Variants in DNMT3B observed in about 807,000 individuals in gnomAD.
The protein encoded by DNMT3B is DNA (cytosine-5)-methyltransferase 3B.
Under a neutral mutation model 120.2 loss-of-function variants are expected in DNMT3B, and 37 were observed. That is an observed-to-expected ratio of 0.31 (90% CI 0.24 to 0.40). The LOEUF is 0.40. Among genes scored for constraint, DNMT3B ranks in the 10% least tolerant of loss-of-function variants. The probability of loss-of-function intolerance (pLI) is 1.00; values close to 1 mark genes in which losing one functional copy is unlikely to be tolerated. For synonymous variants in DNMT3B, 412 were observed against 442.8 expected (o/e 0.93, Z 0.87); for missense variants, 878 against 1,137.3 (o/e 0.77, Z 3.28).
At chr20:32,781,213 C>A in intron 2 of DNMT3B, 140 bp from the exon 3 acceptor site, 1 of 846,678 alleles carries the variant, frequency 1.2e-6, no homozygotes, top group Non-Finnish European at 2.0e-6. Context: ...TACTGACGGA[C>A]TGAGAGCAAA....
At chr20:32,782,734 A>C (rs1978775845) in intron 3 of DNMT3B, among the ~76,000 whole-genome samples, 1 of 113,932 alleles carries the variant, frequency 8.8e-6, no homozygotes, top group African/African-American at 3.5e-5. Context: ...GATATAGACA[A>C]AAACAGAGCA....
chr20:32,770,839 T>C (rs1444503049), intron 1 of DNMT3B, among the ~76,000 whole-genome samples: 1 of 151,426 alleles, frequency 6.6e-6, no homozygotes, highest in Non-Finnish European at 1.5e-5. Context: ...CTTGAACCCC[T>C]GACCTCGGGT....
At chr20:32,792,804 C>G (rs374948653) in intron 9 of DNMT3B, 34 bp downstream of exon 9, 1 of 1,613,278 alleles carries the variant, frequency 6.2e-7, no homozygotes, top group African/African-American at 1.3e-5. Context: ...CACCCGCTGC[C>G]TCTGCTGGTG....
At chr20:32,794,319 G>A (rs1040372035) in intron 10 of DNMT3B, among the ~76,000 whole-genome samples, 1 of 141,638 alleles carries the variant, frequency 7.1e-6, no homozygotes. Context: ...CTCCAGCCTG[G>A]GTGACACACT....
chr20:32,776,910 T>C (rs13433362), intron 1 of DNMT3B, among the ~76,000 whole-genome samples: 2,587 of 151,510 alleles, frequency 0.017, 73 homozygotes, highest in African/African-American at 0.06. Flanking sequence ...CGAGGCTAGA[T>C]TGTCTTGGCC....
intron 17 of DNMT3B, 56 bp downstream of exon 17, chr20:32,800,354 C>T (rs551286038): frequency 3.5e-4 from 556 of 1,611,374 alleles, no homozygotes; most frequent in Non-Finnish European, 4.4e-4. Flanking sequence ...TTCCCCAGTC[C>T]TCCACACCCT....
intron 1 of DNMT3B, among the ~76,000 whole-genome samples, chr20:32,766,713 G>A (rs944477770): frequency 2.6e-5 from 4 of 151,170 alleles, no homozygotes; most frequent in African/African-American, 4.9e-5. Context: ...TCAACTTCCC[G>A]AGTAGCTGAG....
At chr20:32,784,239 A>G (rs1206663598) in intron 3 of DNMT3B, among the ~76,000 whole-genome samples, 1 of 152,154 alleles carries the variant, frequency 6.6e-6, no homozygotes, top group Non-Finnish European at 1.5e-5. Flanking sequence ...GGGTTTCACC[A>G]TCTTGGCCAG....
rs371630760 is a variant in DNMT3B, at chr20:32,792,763, G to A, written c.1059G>A (p.Thr353=). ...TGIEGLKPNN[T]QPVVNKSKVR... ...TCGAGGGCCTCAAACCCAACAACAC[G>A]CAACCAGGTGGGAATGAGTCCCCAT... The change falls in exon 9 of 23, where the codon ACG becomes ACA. Residue 353 remains threonine, a synonymous_variant. Coordinates refer to ENST00000328111, the MANE Select transcript of DNMT3B (RefSeq NM_006892.4). 27 of 1,614,084 alleles carry A rather than the reference G, an allele frequency of 1.7e-5. No individual in the cohort carries two copies. The highest frequency in any genetic ancestry group is 1.1e-4 in the African/African-American group (8 of 75,068).
rs771875972 is a variant in DNMT3B, at chr20:32,792,631, T to C, written c.927T>C (p.Ala309=). 5.0e-6 allele frequency: 8 copies of C among 1,614,068 alleles called. No individual in the cohort carries two copies. The highest frequency in any genetic ancestry group is 6.8e-6 in the Non-Finnish European group (8 of 1,180,014). Residue 309 remains alanine, a synonymous_variant, in exon 9 of 23, where the codon GCT becomes GCC. Transcript: ENST00000328111. The part of the protein sequence containing the change: ...RKAMYHALEK[A]RVRAGKTFPS... ...CACAGACTCTGCCTTTGCAGAAAGCTAGGGTGCGAGCTGGCAAGACCTTCC... is the reference window on the plus strand; with the variant it reads ...CACAGACTCTGCCTTTGCAGAAAGCCAGGGTGCGAGCTGGCAAGACCTTCC...
chr20:32,809,214 T>A lies in DNMT3B; in HGVS notation c.*1311T>A, dbSNP rs73904044. 2 of 52,902 alleles carry A rather than the reference T, an allele frequency of 3.8e-5. No individual in the cohort carries two copies. Among genetic ancestry groups the A allele is most frequent in the Admixed American group, 6.0e-4 (2 of 3,308 alleles). The allele number at this position is 52,902 out of a possible 1,614,324, so 3.3% of individuals were successfully genotyped here. On this transcript the variant is annotated 3_prime_UTR_variant, in exon 23 of 23. Transcript: ENST00000328111. ...TTTATGTTTAACGTTTTCATTAAAA[T>A]TTTTTTTGTAACTGGAGCCACGACG...
At chr20:32,793,422 C>G (rs1980221920) in intron 9 of DNMT3B, 114 bp from the exon 10 acceptor site, 1 of 1,201,022 alleles carries the variant, frequency 8.3e-7, no homozygotes, top group Non-Finnish European at 1.2e-6. Flanking sequence ...GCGCCGAGAT[C>G]GCACCACTGC....
At chr20:32,805,068 T>C (rs935299820) in intron 20 of DNMT3B, among the ~76,000 whole-genome samples, 3 of 152,156 alleles carry the variant, frequency 2.0e-5, no homozygotes, top group Non-Finnish European at 4.4e-5. Flanking sequence ...TCTCCTGCCC[T>C]ACCCCATGCA....
intron 19 of DNMT3B, among the ~76,000 whole-genome samples, chr20:32,801,663 G>A (rs1006680634): frequency 2.0e-5 from 3 of 152,120 alleles, no homozygotes; most frequent in Non-Finnish European, 4.4e-5. Context: ...CAGCTCACTG[G>A]AGCCTCAAAC....
At chr20:32,781,229 G>A in intron 2 of DNMT3B, 124 bp from the exon 3 acceptor site, 3 of 933,850 alleles carry the variant, frequency 3.2e-6, no homozygotes, top group Non-Finnish European at 5.2e-6. Flanking sequence ...GCAAATCCCT[G>A]TGGCTGACAA....
At chr20:32,796,554 ACAT>A (rs555901381) in intron 12 of DNMT3B, among the ~76,000 whole-genome samples, 38 of 152,256 alleles carry the variant, frequency 2.5e-4, no homozygotes, top group Middle Eastern at 3.4e-3. Context: ...GTTCTGCCTG[ACAT>A]CATCCTACTG....
rs80310311 is a variant in DNMT3B at position 32,763,660 on chromosome 20, T to C, written c.-7+961T>C. The stretch of plus-strand genomic sequence containing the variant: ...TGGAAGCGGAGAAAGACCTAACAAG[T>C]TGTAAGACTGCGCTGCCCTTGGGCC... On this transcript the variant is annotated intron_variant, in intron 1 of 22. Coordinates refer to ENST00000328111, the MANE Select transcript of DNMT3B (RefSeq NM_006892.4). Among the ~76,000 whole-genome samples, 505 of 152,282 alleles carry C rather than the reference T, an allele frequency of 3.3e-3. 15 individuals are homozygous for C. Among genetic ancestry groups the C allele is most frequent in the Admixed American group, 0.027 (412 of 15,290 alleles).
intron 16 of DNMT3B, 37 bp downstream of exon 16, chr20:32,799,365 G>A: frequency 6.3e-7 from 1 of 1,598,368 alleles, no homozygotes; most frequent in Non-Finnish European, 8.5e-7. Context: ...CTGCTATCGT[G>A]TCACAACAGG....
chr20:32,782,920 G>A lies in DNMT3B; in HGVS notation c.204+1506G>A, dbSNP rs139018085. 3.5e-3 allele frequency among the ~76,000 whole-genome samples: 529 copies of A among 152,136 alleles called. 6 individuals carry two copies. The highest frequency in any genetic ancestry group is 0.012 in the African/African-American group (518 of 41,510). ...TATTCATGTATTCATGAATGAAATG[G>A]GTATTTTTTTTTATTCATTTATTTT... On this transcript the variant is annotated intron_variant, in intron 3 of 22. Coordinates refer to ENST00000328111, the MANE Select transcript of DNMT3B (RefSeq NM_006892.4).
Sources: gnomAD v4.1 joint callset for allele counts (sites outside exome capture counted in the v4.1 genomes callset) on GRCh38, gnomAD v4.1.1 for gene constraint, MANE v1.5 for transcripts, NCBI Gene and HGNC (gene_info 2026-07-23, HGNC 2026-07-21) for gene names.